Variants in MAP4K4 observed in about 807,000 individuals in gnomAD.
The protein encoded by MAP4K4 is HPK/GCK-like kinase HGK.
A neutral mutation model predicts 189.6 loss-of-function variants in MAP4K4; 38 were observed. The observed-to-expected ratio is 0.20, with a 90% CI of 0.15 to 0.26. The LOEUF (loss-of-function observed/expected upper bound fraction) is 0.26, where lower values mean the gene tolerates loss of function less well. MAP4K4 is among the 10% of genes least tolerant of loss of function. The pLI is 1.00. For missense variants in MAP4K4, 1,054 were observed against 1,726.9 expected, an observed-to-expected ratio of 0.61 and a Z score of 6.91; for synonymous variants, 610 against 624.3, an observed-to-expected ratio of 0.98 and a Z score of 0.34.
chr2:101,874,314 A>G (rs1473992537), intron 26 of MAP4K4, 62 bp downstream of exon 26: 80 of 1,445,400 alleles, frequency 5.5e-5, no homozygotes, highest in Non-Finnish European at 5.5e-5. Context: ...CTGGTCTTCT[A>G]GAGAAGTACT....
intron 2 of MAP4K4, among the ~76,000 whole-genome samples, chr2:101,734,731 T>G (rs888469765): frequency 6.6e-6 from 1 of 152,154 alleles, no homozygotes; most frequent in African/African-American, 2.4e-5. Flanking sequence ...TTCTGTTGCT[T>G]CTTCTTGAGA....
At chr2:101,874,487 TAAAC>T (rs1195513855) in intron 26 of MAP4K4, among the ~76,000 whole-genome samples, 1 of 152,224 alleles carries the variant, frequency 6.6e-6, no homozygotes, top group Non-Finnish European at 1.5e-5. Context: ...TTATTTTTAT[TAAAC>T]AAATTTTTGT....
At chr2:101,819,906 C>G (rs1381337771) in intron 3 of MAP4K4, among the ~76,000 whole-genome samples, 1 of 152,178 alleles carries the variant, frequency 6.6e-6, no homozygotes, top group Admixed American at 6.5e-5. Context: ...AGGGGCACTT[C>G]AGATTCAGTG....
intron 2 of MAP4K4, among the ~76,000 whole-genome samples, chr2:101,789,733 T>C (rs2092519120): frequency 6.6e-6 from 1 of 152,200 alleles, no homozygotes; most frequent in African/African-American, 2.4e-5. Flanking sequence ...AGTTGTTAAG[T>C]AGATCATGCT....
intron 32 of MAP4K4, among the ~76,000 whole-genome samples, chr2:101,890,853 C>T (rs912364279): frequency 1.3e-5 from 2 of 151,986 alleles, no homozygotes; most frequent in East Asian, 1.9e-4. Flanking sequence ...CTCCACCTCC[C>T]GGGTTCAAGT....
chr2:101,720,378 G>A (rs2051131157), intron 2 of MAP4K4, among the ~76,000 whole-genome samples: 2 of 151,972 alleles, frequency 1.3e-5, no homozygotes, highest in African/African-American at 4.8e-5. Context: ...GTTTCACCAT[G>A]TTGGCCAGGC....
intron 2 of MAP4K4, among the ~76,000 whole-genome samples, chr2:101,785,491 T>A (rs545613003): frequency 6.6e-6 from 1 of 152,280 alleles, no homozygotes; most frequent in African/African-American, 2.4e-5. Context: ...TCCTCACAGT[T>A]CCTCTTAATA....
chr2:101,817,457 A>G (rs2095796377), intron 3 of MAP4K4, among the ~76,000 whole-genome samples: 1 of 152,230 alleles, frequency 6.6e-6, no homozygotes. Context: ...AGAAGAAAAT[A>G]GAATGAACTA....
At chr2:101,823,682 C>G (rs756367198) in intron 3 of MAP4K4, among the ~76,000 whole-genome samples, 1 of 152,198 alleles carries the variant, frequency 6.6e-6, no homozygotes, top group South Asian at 2.1e-4. Context: ...GCAGTCCCCT[C>G]GCACTATCCC....
At chr2:101,727,446 G>A (rs779120714) in intron 2 of MAP4K4, among the ~76,000 whole-genome samples, 1 of 152,188 alleles carries the variant, frequency 6.6e-6, no homozygotes, top group Non-Finnish European at 1.5e-5. Flanking sequence ...CAGTGAGGTT[G>A]TCTTTTGATT....
intron 16 of MAP4K4, 106 bp from the exon 17 acceptor site, chr2:101,863,715 G>A (rs2097735709): frequency 6.4e-6 from 4 of 622,120 alleles, no homozygotes; most frequent in Non-Finnish European, 1.1e-5. Flanking sequence ...TACCACCCCG[G>A]TGTGTATTCC....
chr2:101,842,790 T>C, intron 11 of MAP4K4, 109 bp downstream of exon 11: 1 of 709,204 alleles, frequency 1.4e-6, no homozygotes. Context: ...TTAAATTACT[T>C]AGACAGCATC....
At chr2:101,886,944 G>A (rs1167689829) in intron 29 of MAP4K4, 144 bp from the exon 30 acceptor site, 2 of 551,398 alleles carry the variant, frequency 3.6e-6, no homozygotes, top group South Asian at 4.6e-5. Context: ...AGAATGGTGC[G>A]AACCTGGGAG....
Position 101,867,370 on chromosome 2 carries a change from A to C in MAP4K4, c.2454+61A>C, listed in dbSNP as rs2097847191. On this transcript the variant is annotated intron_variant, in intron 20 of 32. Transcript: ENST00000324219. ...GACTTGAATGAGATCTTTCTATTAAAAATATGTGGTTGAGAGGCCTGCAGT... is the reference window on the plus strand; with the variant it reads ...GACTTGAATGAGATCTTTCTATTAACAATATGTGGTTGAGAGGCCTGCAGT... 6 of 1,324,380 alleles carry C rather than the reference A, an allele frequency of 4.5e-6. No individual in the cohort carries two copies. In the South Asian group the frequency reaches 7.7e-5, roughly 17 times the overall value. The allele number at this position is 1,324,380 out of a possible 1,614,324, so 82.0% of individuals were successfully genotyped here. A position where few individuals can be genotyped will look rare whatever the true frequency, so the allele number is the denominator to read the frequency against.
chr2:101,826,362 T>G (rs968880745), intron 5 of MAP4K4, among the ~76,000 whole-genome samples: 1 of 152,186 alleles, frequency 6.6e-6, no homozygotes, highest in Non-Finnish European at 1.5e-5. Flanking sequence ...TAATTTTTTT[T>G]TATTTAGATA....
rs150274012 is a variant in MAP4K4, at chr2:101,793,357, G to A, written c.180+2581G>A. Among the ~76,000 whole-genome samples, 26 of 152,280 alleles carry A rather than the reference G, an allele frequency of 1.7e-4. No individual in the cohort carries two copies. The East Asian group carries it at 4.8e-3, about 28-fold the overall frequency. Reference sequence around the variant, plus strand: ...ATGGATAGAGGGCCATGCACAGCAGGCAGCCTGGAAAACAAGCCCTTGCCA... The same window carrying A: ...ATGGATAGAGGGCCATGCACAGCAGACAGCCTGGAAAACAAGCCCTTGCCA... On this transcript the variant is annotated intron_variant, in intron 3 of 32. Coordinates refer to ENST00000324219, the Ensembl canonical transcript of MAP4K4.
intron 17 of MAP4K4, 145 bp downstream of exon 17, chr2:101,864,196 T>G (rs1189972394): frequency 2.8e-6 from 1 of 351,784 alleles, no homozygotes; most frequent in East Asian, 7.8e-5. Context: ...CTGGTGAGGA[T>G]AAAGTTCCAT....
intron 2 of MAP4K4, among the ~76,000 whole-genome samples, chr2:101,776,989 C>A (rs958568246): frequency 9.9e-5 from 15 of 152,178 alleles, no homozygotes; most frequent in African/African-American, 3.6e-4. Context: ...ACTTTGCTTT[C>A]AGTGCTTAAT....
chr2:101,740,343 C>T (rs1472147539), intron 2 of MAP4K4, among the ~76,000 whole-genome samples: 4 of 114,466 alleles, frequency 3.5e-5, no homozygotes, highest in African/African-American at 1.5e-4. Context: ...TTAGTAGAGA[C>T]GGGGTTTCAC....
Sources: allele counts gnomAD v4.1 joint callset (sites outside exome capture counted in the v4.1 genomes callset), GRCh38; gene constraint gnomAD v4.1.1; transcripts MANE v1.5; gene names NCBI Gene and HGNC (gene_info 2026-07-23, HGNC 2026-07-21).